ULBP2: variants seen among roughly 807,000 people sequenced by gnomAD.
ULBP2 encodes UL16-binding protein 2.
A neutral mutation model predicts 23.6 loss-of-function variants in ULBP2; 21 were observed. The observed-to-expected ratio is 0.89, with a 90% CI of 0.63 to 1.28. The LOEUF (loss-of-function observed/expected upper bound fraction) is 1.28. Ranked by LOEUF, ULBP2 falls within the 50% of genes most tolerant of loss-of-function variation. The pLI is 0.00. For missense variants in ULBP2, 251 were observed against 306.0 expected (o/e 0.82, Z 1.34); for synonymous variants, 82 against 112.8 (o/e 0.73, Z 1.73).
intron 1 of ULBP2, among the ~76,000 whole-genome samples, chr6:149,942,646 T>C (rs1778880894): frequency 6.7e-6 from 1 of 150,358 alleles, no homozygotes; most frequent in Non-Finnish European, 1.5e-5. Flanking sequence ...AATTTTTCCC[T>C]GCACTTTCCT....
At position 149,948,741 on chromosome 6, in the gene ULBP2, A is replaced by G. The variant is rs778106997; in HGVS notation, c.*41A>G. The G allele has an allele frequency of 6.6e-6, 3 of 456,736 alleles. No homozygotes were observed. Among genetic ancestry groups the G allele is most frequent in the South Asian group, 4.6e-5 (3 of 64,568 alleles). The allele number at this position is 456,736 out of a possible 1,614,324, so 28.3% of individuals were successfully genotyped here. A position where few individuals can be genotyped will look rare whatever the true frequency, so the allele number is the denominator to read the frequency against. On this transcript the variant is annotated 3_prime_UTR_variant, in exon 5 of 5. Coordinates refer to ENST00000367351, the MANE Select transcript of ULBP2 (RefSeq NM_025217.4). The stretch of plus-strand genomic sequence containing the variant: ...TCTGAAGGTTAAAGCTGATACCAAA[A>G]GGCTCCTGTGAGCACGGTCTTGATC...
intron 2 of ULBP2, 41 bp downstream of exon 2, chr6:149,945,613 G>A (rs1366701365): frequency 3.7e-6 from 6 of 1,613,942 alleles, no homozygotes; most frequent in Non-Finnish European, 4.2e-6. Context: ...AACAGATACA[G>A]TGGTAGGTTA....
chr6:149,948,363 G>A (rs1562488273), intron 4 of ULBP2, among the ~76,000 whole-genome samples: 1 of 152,216 alleles, frequency 6.6e-6, no homozygotes, highest in Non-Finnish European at 1.5e-5. Context: ...AAGGCCAAGG[G>A]CACAGGAATA....
At chr6:149,948,350 C>A (rs948265975) in intron 4 of ULBP2, among the ~76,000 whole-genome samples, 27 of 152,174 alleles carry the variant, frequency 1.8e-4, no homozygotes, top group Non-Finnish European at 2.2e-4. Context: ...TGCAGGCCCA[C>A]CAAAGGCCAA....
chr6:149,942,483 G>T (rs1435109840), intron 1 of ULBP2, among the ~76,000 whole-genome samples: 3 of 152,102 alleles, frequency 2.0e-5, no homozygotes, highest in Non-Finnish European at 4.4e-5. Context: ...AAAAACCAGA[G>T]CCCCCGGAAC....
chr6:149,944,950 C>T (rs2114683410), intron 1 of ULBP2, among the ~76,000 whole-genome samples: 1 of 149,552 alleles, frequency 6.7e-6, no homozygotes, highest in South Asian at 2.1e-4. Flanking sequence ...TCCCGCAGTC[C>T]ACGTGGGCTA....
intron 1 of ULBP2, among the ~76,000 whole-genome samples, chr6:149,943,127 T>C (rs1380481885): frequency 1.3e-5 from 2 of 152,130 alleles, no homozygotes; most frequent in African/African-American, 2.4e-5. Context: ...TCCAGTCCTG[T>C]CCCTTTGTAG....
chr6:149,943,829 T>C (rs966674968), intron 1 of ULBP2, among the ~76,000 whole-genome samples: 13 of 152,030 alleles, frequency 8.6e-5, no homozygotes, highest in Non-Finnish European at 1.6e-4. Flanking sequence ...ATCTCTGTTG[T>C]GATTCTCCAA....
chr6:149,945,761 T>C (rs1438226946), intron 2 of ULBP2, among the ~76,000 whole-genome samples, 189 bp downstream of exon 2: 1 of 151,822 alleles, frequency 6.6e-6, no homozygotes, highest in Non-Finnish European at 1.5e-5. Context: ...ACCAACATGG[T>C]GAAACACTGT....
intron 2 of ULBP2, among the ~76,000 whole-genome samples, chr6:149,946,116 C>T (rs1348276545): frequency 6.6e-6 from 1 of 151,520 alleles, no homozygotes; most frequent in Non-Finnish European, 1.5e-5. Context: ...GTGGCGGGCG[C>T]CTGTAGTCCC....
Position 149,942,165 on chromosome 6 carries a change from C to T in ULBP2, c.85+8C>T. ...CCCGGGCTGGGCGAGCCGGTGAGTT[C>T]GTGGATGGAGCCTAAGCCGGGCGGG... On this transcript the variant is annotated splice_region_variant and intron_variant, in intron 1 of 4. Coordinates refer to ENST00000367351, the MANE Select transcript of ULBP2 (RefSeq NM_025217.4). 6.2e-7 allele frequency: 1 copy of T among 1,612,832 alleles called. No homozygotes were observed. Among genetic ancestry groups the T allele is most frequent in the Non-Finnish European group, 8.5e-7 (1 of 1,179,576 alleles).
intron 2 of ULBP2, 78 bp from the exon 3 acceptor site, chr6:149,946,294 C>G (rs1226048265): frequency 2.4e-5 from 36 of 1,523,428 alleles, no homozygotes; most frequent in Non-Finnish European, 3.1e-5. Flanking sequence ...GAGAGTAAGG[C>G]CAGCAAATTG....
chr6:149,945,474 C>T lies in ULBP2; in HGVS notation c.251C>T (p.Thr84Ile). The T allele has an allele frequency of 1.2e-6, 2 of 1,614,052 alleles. No homozygotes were observed. Among genetic ancestry groups the T allele is most frequent in the Non-Finnish European group, 1.7e-6 (2 of 1,179,888 alleles). ...CCCCTGGGGAAGAAACTAAATGTCA[C>T]AACGGCCTGGAAAGCACAGAACCCA... is the stretch of plus-strand genomic sequence containing the variant. ...VSPLGKKLNV[T>I]TAWKAQNPVL... The change falls in exon 2 of 5, where the codon ACA becomes ATA. Residue 84 changes from threonine (T) to isoleucine (I), a missense_variant. By Grantham distance (89) the Thr-to-Ile change is moderately conservative. Around this residue, in one of 2 missense-constraint regions of ULBP2, gnomAD observed 248 missense variants for 258.9 expected, o/e 0.96. Coordinates refer to ENST00000367351, the MANE Select transcript of ULBP2 (RefSeq NM_025217.4).
intron 1 of ULBP2, among the ~76,000 whole-genome samples, chr6:149,942,468 G>C (rs1778878047): frequency 6.6e-6 from 1 of 152,098 alleles, no homozygotes; most frequent in Non-Finnish European, 1.5e-5. Context: ...CCGCCCTCGG[G>C]AAGGAAAAAC....
chr6:149,946,848 C>T (rs1173805695), intron 3 of ULBP2, 195 bp downstream of exon 3: 1 of 966,682 alleles, frequency 1.0e-6, no homozygotes, highest in African/African-American at 1.6e-5. Flanking sequence ...CCTCCTGACT[C>T]CTATTCCTCA....
Position 149,948,930 on chromosome 6 carries a change from C to T in ULBP2, c.*230C>T, listed in dbSNP as rs537145553. ...TATACCTAACATATTATGCAATTTT[C>T]TCTTGGTGCTACCTGATGGAATTCC... On this transcript the variant is annotated 3_prime_UTR_variant, in exon 5 of 5. Transcript: ENST00000367351. The T allele has an allele frequency of 8.3e-4, 261 of 315,810 alleles. 1 individual carries two copies. The highest frequency in any genetic ancestry group is 1.2e-3 in the Non-Finnish European group (193 of 158,484). 19.6% of individuals were successfully genotyped at this position (315,810 alleles called of 1,614,324 possible).
intron 4 of ULBP2, 44 bp from the exon 5 acceptor site, chr6:149,948,679 C>T (rs534290029): frequency 5.5e-5 from 25 of 456,662 alleles, no homozygotes; most frequent in Middle Eastern, 3.3e-4. Context: ...AAAAGTGATC[C>T]GGGTTCTCTG....
intron 1 of ULBP2, 25 bp downstream of exon 1, chr6:149,942,182 C>A (rs1377110301): frequency 1.2e-6 from 2 of 1,608,902 alleles, no homozygotes; most frequent in Admixed American, 1.7e-5. Context: ...GGAGCCTAAG[C>A]CGGGCGGGGA....
At chr6:149,948,687 C>T (rs1359111501) in intron 4 of ULBP2, 36 bp from the exon 5 acceptor site, 1 of 456,534 alleles carries the variant, frequency 2.2e-6, no homozygotes, top group East Asian at 6.9e-5. Flanking sequence ...TCCGGGTTCT[C>T]TGCCCCTTAA....
Sources: allele counts gnomAD v4.1 joint callset (sites outside exome capture counted in the v4.1 genomes callset), GRCh38; gene constraint gnomAD v4.1.1; regional missense constraint gnomAD v4.1.1; transcripts MANE v1.5; gene names NCBI Gene and HGNC (gene_info 2026-07-23, HGNC 2026-07-21).